Variants in EAF1 observed in about 807,000 individuals in gnomAD.
The protein encoded by EAF1 is ELL-associated factor 1.
A neutral mutation model predicts 26.6 loss-of-function variants in EAF1; 19 were observed. The ratio of observed to expected loss-of-function variants is 0.71; its 90% CI spans 0.50 to 1.05. The LOEUF (loss-of-function observed/expected upper bound fraction) is 1.05, where lower values mean the gene tolerates loss of function less well. Among genes scored for constraint, EAF1 ranks in the 50% least tolerant of loss-of-function variants. EAF1 has a pLI of 0.00. For missense variants in EAF1, 260 were observed against 335.5 expected (o/e 0.78, Z 1.76); for synonymous variants, 102 against 120.6 (o/e 0.85, Z 1.01).
chr3:15,433,605 A>T (rs961604748), intron 3 of EAF1, among the ~76,000 whole-genome samples: 1 of 152,216 alleles, frequency 6.6e-6, no homozygotes, highest in Admixed American at 6.5e-5. Flanking sequence ...TCAGCTTGGG[A>T]TGGAATTCTG....
At position 15,434,339 on chromosome 3, in the gene EAF1, T is replaced by TC. The variant is rs765419207; in HGVS notation, c.336-7dup. ...GCCCTGCTAATTTAATGTCTGTATC[T>TC]CCTTTCAGAGCTGAGGGCAGCAGTA... On this transcript the variant is annotated splice_polypyrimidine_tract_variant and intron_variant, in intron 3 of 5. Coordinates refer to ENST00000396842, the MANE Select transcript of EAF1 (RefSeq NM_033083.7). The TC allele has an allele frequency of 3.7e-6, 6 of 1,612,570 alleles. No individual in the cohort carries two copies. In the Admixed American group the frequency reaches 8.3e-5, roughly 22 times the overall value.
chr3:15,432,794 T>G (rs940032488), intron 3 of EAF1, among the ~76,000 whole-genome samples: 2 of 151,878 alleles, frequency 1.3e-5, no homozygotes, highest in African/African-American at 4.8e-5. Flanking sequence ...ATACAGTATT[T>G]TTTTTTTTTT....
chr3:15,442,485 T>A lies in EAF1; in HGVS notation c.*3330T>A, dbSNP rs919475507. Reference sequence around the variant, plus strand: ...ATTTTTAAAATCTTGTGCCTAAAAGTTTTTTTGCTTAATTATGAAGTAGAC... The same window carrying A: ...ATTTTTAAAATCTTGTGCCTAAAAGATTTTTTGCTTAATTATGAAGTAGAC... On this transcript the variant is annotated 3_prime_UTR_variant, in exon 6 of 6. Transcript: ENST00000396842. The A allele has an allele frequency of 6.6e-6, 1 of 150,606 alleles. No homozygotes were observed. The highest frequency in any genetic ancestry group is 1.5e-5 in the Non-Finnish European group (1 of 68,024). The allele number at this position is 150,606 out of a possible 1,614,324, so 9.3% of individuals were successfully genotyped here.
intron 3 of EAF1, among the ~76,000 whole-genome samples, chr3:15,433,819 A>C (rs148809893): frequency 7.2e-5 from 11 of 152,366 alleles, no homozygotes; most frequent in African/African-American, 2.4e-4. Flanking sequence ...TGGAGCATGT[A>C]TGGAAACCTG....
intron 5 of EAF1, among the ~76,000 whole-genome samples, chr3:15,437,852 GTCT>G (rs1404826575): frequency 1.3e-5 from 2 of 152,208 alleles, no homozygotes; most frequent in Non-Finnish European, 2.9e-5. Flanking sequence ...GGCAAGATAA[GTCT>G]TCTTTGTGGG....
Position 15,436,255 on chromosome 3 carries a change from T to C in EAF1, c.527-87T>C. 3 of 963,268 alleles carry C rather than the reference T, an allele frequency of 3.1e-6. 1 individual carries two copies. Among genetic ancestry groups the C allele is most frequent in the Non-Finnish European group, 4.4e-6 (3 of 679,764 alleles). The allele number at this position is 963,268 out of a possible 1,614,324, so 59.7% of individuals were successfully genotyped here. A position where few individuals can be genotyped will look rare whatever the true frequency, so the allele number is the denominator to read the frequency against. On this transcript the variant is annotated intron_variant, in intron 4 of 5. Coordinates refer to ENST00000396842, the MANE Select transcript of EAF1 (RefSeq NM_033083.7). ...TTAAATTATTTCTTATTGCTGTTGG[T>C]TTTGCTGATTTACTATTTATAGAAG...
chr3:15,429,996 C>A lies in EAF1; in HGVS notation c.187C>A (p.Pro63Thr). Residue 63 changes from proline (P) to threonine (T), a missense_variant, in exon 2 of 6, where the codon CCA becomes ACA. Coordinates refer to ENST00000396842, the MANE Select transcript of EAF1 (RefSeq NM_033083.7). ...GKGDEVTITLPHIPGSTPPMT... is the reference protein window; with the variant it reads ...GKGDEVTITLTHIPGSTPPMT... The stretch of plus-strand genomic sequence containing the variant: ...AGGAGATGAAGTCACAATTACACTG[C>A]CACATATCCCTGTGAGTTTATTTCA... The A allele has an allele frequency of 6.3e-7, 1 of 1,597,310 alleles. No homozygotes were observed. Among genetic ancestry groups the A allele is most frequent in the South Asian group, 1.1e-5 (1 of 87,748 alleles).
chr3:15,435,093 A>G (rs548692340), intron 4 of EAF1, among the ~76,000 whole-genome samples: 5 of 152,286 alleles, frequency 3.3e-5, no homozygotes, highest in African/African-American at 9.6e-5. Flanking sequence ...TTGGGGGGAA[A>G]AAAAGGATTA....
chr3:15,437,697 A>T (rs1310891520), intron 5 of EAF1, among the ~76,000 whole-genome samples: 1 of 152,126 alleles, frequency 6.6e-6, no homozygotes, highest in African/African-American at 2.4e-5. Flanking sequence ...CTCTTTTTGG[A>T]ACCCTGATGA....
At chr3:15,430,459 C>CAAAAA (rs11300135) in intron 2 of EAF1, among the ~76,000 whole-genome samples, 1 of 129,978 alleles carries the variant, frequency 7.7e-6, no homozygotes, top group Non-Finnish European at 1.7e-5. Flanking sequence ...GACTCCCCCT[C>CAAAAA]AAAAAAAAAA....
intron 1 of EAF1, among the ~76,000 whole-genome samples, chr3:15,428,566 C>T (rs2061774455): frequency 6.6e-6 from 1 of 152,194 alleles, no homozygotes; most frequent in Admixed American, 6.5e-5. Context: ...AATCAGAGTT[C>T]GTGAGCCTGG....
At chr3:15,439,084 T>C (rs1433596297) in intron 5 of EAF1, 25 bp from the exon 6 acceptor site, 2 of 1,592,256 alleles carry the variant, frequency 1.3e-6, no homozygotes, top group Non-Finnish European at 1.7e-6. Context: ...TTCTATGATT[T>C]TACTTTATTT....
Position 15,440,941 on chromosome 3 carries a change from T to TG in EAF1, c.*1790dup, listed in dbSNP as rs1472561315. 1 of 152,668 alleles carries TG rather than the reference T, an allele frequency of 6.6e-6. No individual in the cohort carries two copies. Among genetic ancestry groups the TG allele is most frequent in the Non-Finnish European group, 1.5e-5 (1 of 68,042 alleles). 9.5% of individuals were successfully genotyped at this position (152,668 alleles called of 1,614,324 possible). ...TTCACTGCTCTTAACTTGCTCAAAC[T>TG]GGGGCAGGTTCCAGGAACTTGAACT... On this transcript the variant is annotated 3_prime_UTR_variant, in exon 6 of 6. Transcript: ENST00000396842.
Position 15,436,461 on chromosome 3 carries a change from A to C in EAF1, c.646A>C (p.Asn216His), listed in dbSNP as rs2061835340. 1 of 1,613,264 alleles carries C rather than the reference A, an allele frequency of 6.2e-7. No homozygotes were observed. Among genetic ancestry groups the C allele is most frequent in the African/African-American group, 1.3e-5 (1 of 74,924 alleles). Residue 216 changes from asparagine (N) to histidine (H), a missense_variant, in exon 5 of 6, where the codon AAT (asparagine) becomes CAT (histidine). By Grantham distance (68) the Asn-to-His change is moderately conservative. Coordinates refer to ENST00000396842, the MANE Select transcript of EAF1 (RefSeq NM_033083.7). ...DDSSSSGGED[N>H]GPASPPQPSH... Reference sequence around the variant, plus strand: ...TAGCTCCAGCAGTGGAGGCGAGGACAATGGCCCAGCCTCTCCTCCGCAGCC... The same window carrying C: ...TAGCTCCAGCAGTGGAGGCGAGGACCATGGCCCAGCCTCTCCTCCGCAGCC...
chr3:15,433,551 G>A (rs559670569), intron 3 of EAF1, among the ~76,000 whole-genome samples: 39 of 152,316 alleles, frequency 2.6e-4, no homozygotes, highest in Non-Finnish European at 5.0e-4. Flanking sequence ...AGAAGCACTA[G>A]GCTAGTCCAT....
At position 15,436,481 on chromosome 3, in the gene EAF1, G is replaced by T. The variant is rs201575159; in HGVS notation, c.666G>T (p.Pro222=). 1 of 1,612,214 alleles carries T rather than the reference G, an allele frequency of 6.2e-7. No homozygotes were observed. Among genetic ancestry groups the T allele is most frequent in the Non-Finnish European group, 8.5e-7 (1 of 1,178,516 alleles). Residue 222 remains proline, a synonymous_variant, in exon 5 of 6, where the codon CCG becomes CCT. Transcript: ENST00000396842. ...AGGACAATGGCCCAGCCTCTCCTCC[G>T]CAGCCTTCACACCAGCAGCCCTACA... ...GGEDNGPASP[P]QPSHQQPYNS... is the part of the protein sequence containing the mutation.
rs2061759719 is a variant in EAF1, at chr3:15,427,641, G to A, written c.-139G>A. ...GAGGAGAGAACTTGCTTCTGGACCC[G>A]GGTGGGTGCCGGCTCGGCTCTCCTT... is the stretch of plus-strand genomic sequence containing the variant. On this transcript the variant is annotated 5_prime_UTR_variant, in exon 1 of 6. Transcript: ENST00000396842. 9 of 836,892 alleles carry A rather than the reference G, an allele frequency of 1.1e-5. No individual in the cohort carries two copies. The highest frequency in any genetic ancestry group is 1.1e-5 in the Non-Finnish European group (6 of 522,456). 51.8% of individuals were successfully genotyped at this position (836,892 alleles called of 1,614,324 possible).
chr3:15,430,855 C>T (rs1392281292), intron 2 of EAF1, among the ~76,000 whole-genome samples: 1 of 152,186 alleles, frequency 6.6e-6, no homozygotes, highest in Admixed American at 6.5e-5. Context: ...TTGCATGTCA[C>T]ACCCCTGTCC....
chr3:15,429,794 T>C (rs2061792044), intron 1 of EAF1, 119 bp from the exon 2 acceptor site: 1 of 706,572 alleles, frequency 1.4e-6, no homozygotes, highest in Non-Finnish European at 2.4e-6. Context: ...TTAAGAATTC[T>C]AAATTATTTT....
Sources: allele counts gnomAD v4.1 joint callset (sites outside exome capture counted in the v4.1 genomes callset), GRCh38; gene constraint gnomAD v4.1.1; transcripts MANE v1.5; gene names NCBI Gene and HGNC (gene_info 2026-07-23, HGNC 2026-07-21).